The following FAM133A variants were observed in gnomAD, a reference collection of about 807,000 sequenced individuals.
FAM133A encodes family with sequence similarity 133 member A, also known as protein FAM133A.
For missense variants in FAM133A, 159 were observed against 164.4 expected, an observed-to-expected ratio of 0.97 and a Z score of 0.18; for synonymous variants, 65 against 58.6, an observed-to-expected ratio of 1.11 and a Z score of -0.50.
intron 2 of FAM133A, among the ~76,000 whole-genome samples, chrX:93,695,634 C>CTTTTTTTT (rs759503397): frequency 2.1e-5 from 1 of 48,369 alleles, no homozygotes; most frequent in Non-Finnish European, 3.6e-5. Context: ...CAGGAATCTG[C>CTTTTTTTT]TTTTTTTTTT....
intron 3 of FAM133A, among the ~76,000 whole-genome samples, chrX:93,700,273 C>T (rs746414822): frequency 1.3e-4 from 14 of 110,886 alleles, no homozygotes; most frequent in Non-Finnish European, 1.9e-4. Flanking sequence ...TGGTTAGACT[C>T]ATTCTGATAT....
At chrX:93,696,656 C>G (rs780114037) in intron 2 of FAM133A, among the ~76,000 whole-genome samples, 1 of 111,698 alleles carries the variant, frequency 9.0e-6, no homozygotes, top group Non-Finnish European at 1.9e-5. Flanking sequence ...CGCAGTGGCT[C>G]ACGCCTGTAA....
intron 2 of FAM133A, among the ~76,000 whole-genome samples, chrX:93,679,747 C>CTT (rs752855592): frequency 2.7e-4 from 16 of 58,775 alleles, no homozygotes; most frequent in Non-Finnish European, 4.2e-4. Context: ...TGAAATGTGT[C>CTT]TTTTTTTTTT....
chrX:93,682,190 G>A (rs908724025), intron 2 of FAM133A, among the ~76,000 whole-genome samples: 4 of 111,564 alleles, frequency 3.6e-5, no homozygotes, highest in African/African-American at 1.3e-4. Flanking sequence ...TGTAGAATGG[G>A]GATAATAATA....
At chrX:93,703,009 G>A (rs766945913) in intron 3 of FAM133A, among the ~76,000 whole-genome samples, 3 of 110,001 alleles carry the variant, frequency 2.7e-5, no homozygotes, top group South Asian at 7.9e-4. Flanking sequence ...GTGACATGGC[G>A]AAACCCTGTC....
intron 2 of FAM133A, among the ~76,000 whole-genome samples, chrX:93,697,169 A>T (rs1471970735): frequency 9.8e-4 from 78 of 79,906 alleles, no homozygotes; most frequent in African/African-American, 5.0e-3. Context: ...TAGGCAAGTT[A>T]TATATATATA....
At chrX:93,687,108 A>T (rs771871325) in intron 2 of FAM133A, among the ~76,000 whole-genome samples, 18 of 112,285 alleles carry the variant, frequency 1.6e-4, no homozygotes, top group Non-Finnish European at 3.0e-4. Context: ...AACCAACCTA[A>T]ATGCCTATCA....
intron 3 of FAM133A, among the ~76,000 whole-genome samples, chrX:93,702,557 T>G (rs1926767298): frequency 9.0e-6 from 1 of 110,699 alleles, no homozygotes; most frequent in Non-Finnish European, 1.9e-5. Context: ...TCCAGAAAAT[T>G]TATGTAGGCA....
At chrX:93,680,516 T>G (rs180964718) in intron 2 of FAM133A, among the ~76,000 whole-genome samples, 2 of 111,493 alleles carry the variant, frequency 1.8e-5, no homozygotes, top group Admixed American at 1.9e-4. Flanking sequence ...TTTTGAGGAA[T>G]GTCCATACTG....
intron 2 of FAM133A, among the ~76,000 whole-genome samples, chrX:93,692,048 G>A (rs1925928226): frequency 9.0e-6 from 1 of 111,230 alleles, no homozygotes; most frequent in South Asian, 3.7e-4. Flanking sequence ...ATTTTGTCCA[G>A]GCTTATACAG....
chrX:93,707,901 A>G (rs1296722784), intron 3 of FAM133A, among the ~76,000 whole-genome samples: 9 of 112,142 alleles, frequency 8.0e-5, no homozygotes, highest in Non-Finnish European at 1.3e-4. Context: ...TAGGCCACAC[A>G]TGACCTTTAC....
chrX:93,712,069 T>G lies in FAM133A; in HGVS notation c.*1903T>G, dbSNP rs1219338559. 8.1e-6 allele frequency: 1 copy of G among 123,080 alleles called. No individual in the cohort carries two copies. Among genetic ancestry groups the G allele is most frequent in the Non-Finnish European group, 1.9e-5 (1 of 53,210 alleles). 10.1% of individuals were successfully genotyped at this position (123,080 alleles called of 1,213,427 possible). A position where few individuals can be genotyped will look rare whatever the true frequency, so the allele number is the denominator to read the frequency against. ...GTGATTTTCTATTTCCATGTTGGACTGTAAAAAGTTCTGCATGACCCTCCA... is the reference window on the plus strand; with the variant it reads ...GTGATTTTCTATTTCCATGTTGGACGGTAAAAAGTTCTGCATGACCCTCCA... On this transcript the variant is annotated 3_prime_UTR_variant, in exon 4 of 4. Coordinates refer to ENST00000683942, the MANE Select transcript of FAM133A (RefSeq NM_001171109.2).
chrX:93,682,842 T>C (rs1925261136), intron 2 of FAM133A, among the ~76,000 whole-genome samples: 1 of 111,412 alleles, frequency 9.0e-6, no homozygotes, highest in African/African-American at 3.3e-5. Context: ...CTCGAACTCC[T>C]GACTTCAAGT....
intron 2 of FAM133A, among the ~76,000 whole-genome samples, chrX:93,683,857 GT>G (rs200629556): frequency 0.021 from 2,249 of 108,758 alleles, 52 homozygotes; most frequent in East Asian, 0.095. Flanking sequence ...TTTGAAATGG[GT>G]TTTTTTTTGG....
At position 93,710,007 on chromosome X, in the gene FAM133A, T is replaced by A. The variant is rs773544922; in HGVS notation, c.588T>A (p.Ser196=). 8.3e-7 allele frequency: 1 copy of A among 1,202,835 alleles called. No individual in the cohort carries two copies. The highest frequency in any genetic ancestry group is 1.1e-6 in the Non-Finnish European group (1 of 892,141). The change falls in exon 4 of 4, where the codon TCT becomes TCA. Residue 196 remains serine (S), a synonymous_variant. Coordinates refer to ENST00000683942, the MANE Select transcript of FAM133A (RefSeq NM_001171109.2). ...AACCTTTATCATCTGAGTCCTCATC[T>A]GAATCAGATTATGAAGAGGATGTGC... ...DDKPLSSESS[S]ESDYEEDVQA...
At chrX:93,690,401 T>G (rs757854335) in intron 2 of FAM133A, among the ~76,000 whole-genome samples, 7 of 111,605 alleles carry the variant, frequency 6.3e-5, no homozygotes, top group African/African-American at 1.9e-4. Flanking sequence ...CAACCAGGCT[T>G]AAGCAAACAC....
intron 3 of FAM133A, among the ~76,000 whole-genome samples, chrX:93,706,867 A>G (rs1309109375): frequency 8.9e-6 from 1 of 111,889 alleles, no homozygotes; most frequent in African/African-American, 3.2e-5. Context: ...AAGTGGTCCC[A>G]TTGCCTTCTG....
chrX:93,690,186 T>C (rs1925797457), intron 2 of FAM133A, among the ~76,000 whole-genome samples: 1 of 111,720 alleles, frequency 9.0e-6, no homozygotes, highest in South Asian at 3.7e-4. Flanking sequence ...ACTAAATTGT[T>C]TTTATTTACT....
intron 2 of FAM133A, among the ~76,000 whole-genome samples, chrX:93,681,992 C>T (rs1450403085): frequency 4.5e-5 from 5 of 111,809 alleles, no homozygotes; most frequent in South Asian, 3.7e-4. Flanking sequence ...CCCTTAGCCT[C>T]TCAGATATGC....
Sources: allele counts gnomAD v4.1 joint callset (sites outside exome capture counted in the v4.1 genomes callset), GRCh38; gene constraint gnomAD v4.1.1; transcripts MANE v1.5; gene names NCBI Gene and HGNC (gene_info 2026-07-23, HGNC 2026-07-21).